TBC1D22A: variants seen among roughly 807,000 people sequenced by gnomAD.
TBC1D22A encodes the protein TBC1 domain family member 22A.
In TBC1D22A, 38 loss-of-function variants were observed where a neutral mutation model predicts 60.2. The ratio of observed to expected loss-of-function variants is 0.63; its 90% CI spans 0.49 to 0.83. TBC1D22A has a LOEUF of 0.83. Ranked by LOEUF, TBC1D22A falls within the 40% of genes least tolerant of loss-of-function variation. The pLI, the probability that TBC1D22A is intolerant of heterozygous loss-of-function variation, is 0.00. For synonymous variants in TBC1D22A, 302 were observed against 281.7 expected (o/e 1.07, Z -0.72); for missense variants, 628 against 701.0 (o/e 0.90, Z 1.18).
At chr22:47,163,048 A>C (rs867364369) in intron 12 of TBC1D22A, among the ~76,000 whole-genome samples, 59 of 152,340 alleles carry the variant, frequency 3.9e-4, no homozygotes, top group African/African-American at 1.3e-3. Context: ...AGACGGGGCA[A>C]GTGGAGCTGG....
intron 12 of TBC1D22A, among the ~76,000 whole-genome samples, chr22:47,154,686 G>A (rs1175144621): frequency 6.6e-6 from 1 of 152,236 alleles, no homozygotes; most frequent in Non-Finnish European, 1.5e-5. Flanking sequence ...TCAGACGGCA[G>A]CTCTGTTAGG....
intron 9 of TBC1D22A, among the ~76,000 whole-genome samples, chr22:46,987,649 T>C (rs960563559): frequency 2.0e-5 from 3 of 152,226 alleles, no homozygotes; most frequent in African/African-American, 7.2e-5. Flanking sequence ...TCAAAACTAC[T>C]TTATTGCTAG....
chr22:46,776,867 A>G (rs2083728655), intron 1 of TBC1D22A, among the ~76,000 whole-genome samples: 1 of 151,978 alleles, frequency 6.6e-6, no homozygotes, highest in Non-Finnish European at 1.5e-5. Context: ...TAGGACCTGA[A>G]GGCATACGAG....
chr22:46,908,298 G>A (rs2069638689), intron 7 of TBC1D22A, among the ~76,000 whole-genome samples: 4 of 152,136 alleles, frequency 2.6e-5, no homozygotes, highest in Non-Finnish European at 5.9e-5. Context: ...GTGATGGCGT[G>A]TGGGGTCCGC....
chr22:47,122,749 A>G (rs2058817622), intron 12 of TBC1D22A, among the ~76,000 whole-genome samples: 1 of 152,230 alleles, frequency 6.6e-6, no homozygotes. Context: ...GGCAGGCTTC[A>G]CTGCGCAGAA....
chr22:46,779,575 A>G (rs969596342), intron 1 of TBC1D22A, among the ~76,000 whole-genome samples: 2 of 152,078 alleles, frequency 1.3e-5, no homozygotes, highest in African/African-American at 4.8e-5. Flanking sequence ...ATTTCAAAAT[A>G]CTTCCATTTC....
intron 6 of TBC1D22A, among the ~76,000 whole-genome samples, chr22:46,892,738 C>A (rs112005097): frequency 6.6e-6 from 1 of 152,106 alleles, no homozygotes; most frequent in Non-Finnish European, 1.5e-5. Flanking sequence ...CATCTATCTG[C>A]GAGTTTTACC....
At chr22:46,846,767 C>T (rs1451976324) in intron 4 of TBC1D22A, among the ~76,000 whole-genome samples, 1 of 151,752 alleles carries the variant, frequency 6.6e-6, no homozygotes, top group Non-Finnish European at 1.5e-5. Flanking sequence ...CCGGATTCGG[C>T]GGGTATCAAG....
At chr22:47,052,801 C>G (rs74887366) in intron 11 of TBC1D22A, among the ~76,000 whole-genome samples, 6,033 of 152,312 alleles carry the variant, frequency 0.04, 152 homozygotes, top group South Asian at 0.063. Context: ...CCTTCCAGGC[C>G]ACTGCTCCCC....
chr22:46,958,627 C>T (rs369274275), intron 8 of TBC1D22A, among the ~76,000 whole-genome samples: 1 of 152,212 alleles, frequency 6.6e-6, no homozygotes, highest in South Asian at 2.1e-4. Context: ...CATGCATAAG[C>T]GTTTTGTAGC....
chr22:46,778,935 C>G (rs1260516105), intron 1 of TBC1D22A, among the ~76,000 whole-genome samples: 2 of 151,892 alleles, frequency 1.3e-5, no homozygotes, highest in Non-Finnish European at 1.5e-5. Flanking sequence ...TCCCAGATAC[C>G]CAGGAGTCTG....
intron 2 of TBC1D22A, 27 bp downstream of exon 2, chr22:46,792,603 C>T (rs770458033): frequency 6.2e-6 from 10 of 1,614,108 alleles, no homozygotes; most frequent in Middle Eastern, 1.6e-4. Context: ...CCTCACTTGG[C>T]GTCTCGGCTC....
intron 4 of TBC1D22A, among the ~76,000 whole-genome samples, chr22:46,864,585 A>G (rs897963961): frequency 9.2e-5 from 14 of 152,356 alleles, no homozygotes; most frequent in Non-Finnish European, 1.9e-4. Flanking sequence ...CAGTAGATAA[A>G]CGATAACAAT....
chr22:46,844,407 G>A (rs921989200), intron 4 of TBC1D22A, among the ~76,000 whole-genome samples: 2 of 152,122 alleles, frequency 1.3e-5, no homozygotes, highest in African/African-American at 2.4e-5. Flanking sequence ...CCCTCTGATT[G>A]TACCCCCTGT....
intron 1 of TBC1D22A, among the ~76,000 whole-genome samples, chr22:46,784,653 C>T (rs992496707): frequency 7.2e-5 from 11 of 151,736 alleles, no homozygotes; most frequent in Admixed American, 2.0e-4. Flanking sequence ...GTTGCAGAGA[C>T]TTTTTTTTTA....
Position 47,160,862 on chromosome 22 carries a change from T to TC in TBC1D22A, c.1426-12635dup, listed in dbSNP as rs371048908. Among the ~76,000 whole-genome samples, 907 of 152,202 alleles carry TC rather than the reference T, an allele frequency of 6.0e-3. 8 individuals carry two copies. The highest frequency in any genetic ancestry group is 0.021 in the African/African-American group (871 of 41,518). On this transcript the variant is annotated intron_variant, in intron 12 of 12. Coordinates refer to ENST00000337137, the MANE Select transcript of TBC1D22A (RefSeq NM_014346.5). ...CATGCCCTCCCCCCAGCTACCCTCC[T>TC]CTTCAGGACCCGCAGGCGCTGTGGA... is the stretch of plus-strand genomic sequence containing the variant.
At chr22:47,047,632 A>G (rs561652588) in intron 11 of TBC1D22A, among the ~76,000 whole-genome samples, 47 of 152,298 alleles carry the variant, frequency 3.1e-4, no homozygotes, top group Middle Eastern at 6.8e-3. Flanking sequence ...GGTTGGCCCC[A>G]CCAGTGATGG....
chr22:47,091,374 T>TGACTGCG (rs2064962407), intron 11 of TBC1D22A, among the ~76,000 whole-genome samples: 2 of 92,404 alleles, frequency 2.2e-5, no homozygotes, highest in African/African-American at 8.7e-5. Flanking sequence ...CGCAGAGGGG[T>TGACTGCG]TGTTGATAGA....
chr22:46,858,771 T>G (rs745906617), intron 4 of TBC1D22A, among the ~76,000 whole-genome samples: 14 of 152,152 alleles, frequency 9.2e-5, no homozygotes, highest in Non-Finnish European at 2.1e-4. Context: ...CACCGCTGAG[T>G]AGGGTAGAGG....
Sources: allele counts gnomAD v4.1 joint callset (sites outside exome capture counted in the v4.1 genomes callset), GRCh38; gene constraint gnomAD v4.1.1; transcripts MANE v1.5; gene names NCBI Gene and HGNC (gene_info 2026-07-23, HGNC 2026-07-21).